The following BMP2K variants were observed in gnomAD, a reference collection of about 807,000 sequenced individuals.
BMP2K encodes BMP-2-inducible protein kinase.
BMP2K carries 74 observed loss-of-function variants against 116.0 expected under a neutral mutation model. The ratio of observed to expected loss-of-function variants is 0.64; its 90% CI spans 0.53 to 0.77. The LOEUF is 0.77. Ranked by LOEUF, BMP2K falls within the 30% of genes least tolerant of loss-of-function variation. The pLI, the probability that BMP2K is intolerant of heterozygous loss-of-function variation, is 0.00. For synonymous variants in BMP2K, 486 were observed against 502.5 expected, an observed-to-expected ratio of 0.97 and a Z score of 0.44; for missense variants, 1,365 against 1,403.6, an observed-to-expected ratio of 0.97 and a Z score of 0.44.
intron 9 of BMP2K, among the ~76,000 whole-genome samples, chr4:78,863,602 A>G (rs982427126): frequency 6.6e-6 from 1 of 152,136 alleles, no homozygotes. Flanking sequence ...ACCTGTGATG[A>G]TTTTGTTCAG....
At chr4:78,818,634 T>C (rs1044640944) in intron 1 of BMP2K, among the ~76,000 whole-genome samples, 1 of 152,240 alleles carries the variant, frequency 6.6e-6, no homozygotes. Flanking sequence ...TTTACACTTT[T>C]ATCCACATAT....
chr4:78,859,294 C>A (rs1483097897), intron 7 of BMP2K: 1 of 229,476 alleles, frequency 4.4e-6, no homozygotes, highest in Non-Finnish European at 8.4e-6. Flanking sequence ...CCAGTGTTCA[C>A]TAAACTCACT....
At chr4:78,829,787 T>TTTCTCTCTTCTC (rs1730094701) in intron 2 of BMP2K, among the ~76,000 whole-genome samples, 1 of 86,650 alleles carries the variant, frequency 1.2e-5, no homozygotes, top group East Asian at 4.2e-4. Context: ...TTTCTTTTCT[T>TTTCTCTCTTCTC]TTCTCTTCTC....
chr4:78,779,931 C>A (rs1727425073), intron 1 of BMP2K, among the ~76,000 whole-genome samples: 1 of 151,986 alleles, frequency 6.6e-6, no homozygotes, highest in African/African-American at 2.4e-5. Flanking sequence ...TTCTCAAAAA[C>A]ATGTTTAGGA....
chr4:78,859,259 C>T (rs1172988616), intron 7 of BMP2K: 1 of 190,482 alleles, frequency 5.2e-6, no homozygotes, highest in Non-Finnish European at 1.1e-5. Flanking sequence ...TTTACTATGG[C>T]CTTGGAACTT....
At chr4:78,847,365 A>G (rs987497941) in intron 6 of BMP2K, 96 bp downstream of exon 6, 1 of 774,270 alleles carries the variant, frequency 1.3e-6, no homozygotes, top group African/African-American at 1.8e-5. Context: ...GGCATTTCCT[A>G]ATAAGTAGAA....
chr4:78,784,267 G>T (rs1727636925), intron 1 of BMP2K, among the ~76,000 whole-genome samples: 1 of 152,236 alleles, frequency 6.6e-6, no homozygotes, highest in African/African-American at 2.4e-5. Context: ...GGATTCCAAA[G>T]TTAAGAGTCT....
chr4:78,826,784 T>TC (rs1729894168), intron 2 of BMP2K, among the ~76,000 whole-genome samples: 1 of 152,184 alleles, frequency 6.6e-6, no homozygotes, highest in Non-Finnish European at 1.5e-5. Context: ...CTTTTTTTTT[T>TC]CTTAAATACT....
chr4:78,847,489 C>T (rs1181713185), intron 6 of BMP2K, among the ~76,000 whole-genome samples: 1 of 151,442 alleles, frequency 6.6e-6, no homozygotes, highest in East Asian at 1.9e-4. Flanking sequence ...AAAAAACTTC[C>T]ATATAATGTA....
intron 13 of BMP2K, among the ~76,000 whole-genome samples, chr4:78,873,206 T>A (rs1353574178): frequency 6.6e-6 from 1 of 152,246 alleles, no homozygotes; most frequent in Non-Finnish European, 1.5e-5. Context: ...TTGTATAATT[T>A]AATTTAAATA....
At chr4:78,864,387 A>G (rs957697228) in intron 9 of BMP2K, among the ~76,000 whole-genome samples, 11 of 151,924 alleles carry the variant, frequency 7.2e-5, no homozygotes, top group East Asian at 5.8e-4. Flanking sequence ...GATTACATAT[A>G]TATATACACC....
At position 78,911,709 on chromosome 4, in the gene BMP2K, T is replaced by C. The variant is rs1386478110; in HGVS notation, c.3162T>C (p.Asp1054=). The C allele has an allele frequency of 1.1e-5, 18 of 1,613,758 alleles. No individual in the cohort carries two copies. Among genetic ancestry groups the C allele is most frequent in the Admixed American group, 1.7e-5 (1 of 59,984 alleles). Residue 1054 remains aspartate, a synonymous_variant, in exon 16 of 16, where the codon GAT becomes GAC. Coordinates refer to ENST00000502613, the MANE Select transcript of BMP2K (RefSeq NM_198892.2). ...NISVALTDGK[D]RGNVLQPEES... ...GTGTTGCACTGACTGATGGGAAAGATAGGGGGAATGTCTTACAACCTGAGG... is the reference window on the plus strand; with the variant it reads ...GTGTTGCACTGACTGATGGGAAAGACAGGGGGAATGTCTTACAACCTGAGG...
intron 1 of BMP2K, among the ~76,000 whole-genome samples, chr4:78,812,780 C>G (rs1408021057): frequency 1.3e-5 from 2 of 152,188 alleles, no homozygotes; most frequent in African/African-American, 4.8e-5. Flanking sequence ...TGCTTGTGAT[C>G]ACAGCACTTT....
intron 3 of BMP2K, 101 bp from the exon 4 acceptor site, chr4:78,842,284 C>T: frequency 1.9e-6 from 2 of 1,042,424 alleles, no homozygotes; most frequent in Non-Finnish European, 2.7e-6. Context: ...ATGAAAAAGC[C>T]AATTTCCCAT....
chr4:78,872,535 G>A (rs1442832718), intron 12 of BMP2K, 79 bp from the exon 13 acceptor site: 4 of 1,310,818 alleles, frequency 3.1e-6, no homozygotes, highest in Non-Finnish European at 4.1e-6. Flanking sequence ...TGAAAGGAAG[G>A]AACATAGTAA....
At chr4:78,835,748 A>C (rs942555037) in intron 3 of BMP2K, among the ~76,000 whole-genome samples, 16 of 151,710 alleles carry the variant, frequency 1.1e-4, no homozygotes, top group African/African-American at 3.6e-4. Context: ...TCTTATATTT[A>C]CTTCCATATT....
At chr4:78,807,871 C>A (rs1728898540) in intron 1 of BMP2K, among the ~76,000 whole-genome samples, 1 of 151,758 alleles carries the variant, frequency 6.6e-6, no homozygotes, top group African/African-American at 2.4e-5. Flanking sequence ...CCTTTTTATT[C>A]CTGATTATAT....
At chr4:78,862,528 A>G (rs1731846747) in intron 9 of BMP2K, among the ~76,000 whole-genome samples, 1 of 152,088 alleles carries the variant, frequency 6.6e-6, no homozygotes, top group Admixed American at 6.6e-5. Flanking sequence ...AAGGGGACAT[A>G]TACAGGAGTA....
At chr4:78,823,239 T>C (rs1480589456) in intron 1 of BMP2K, among the ~76,000 whole-genome samples, 1 of 151,938 alleles carries the variant, frequency 6.6e-6, no homozygotes, top group Admixed American at 6.6e-5. Context: ...TTGATACTTG[T>C]TTTTCTCATT....
Sources: gnomAD v4.1 joint callset for allele counts (sites outside exome capture counted in the v4.1 genomes callset) on GRCh38, gnomAD v4.1.1 for gene constraint, MANE v1.5 for transcripts, NCBI Gene and HGNC (gene_info 2026-07-23, HGNC 2026-07-21) for gene names.